SYT16: variants seen among roughly 807,000 people sequenced by gnomAD.
The protein encoded by SYT16 is synaptotagmin 16.
A neutral mutation model predicts 61.4 loss-of-function variants in SYT16; 42 were observed. That is an observed-to-expected ratio of 0.68 (90% CI 0.53 to 0.89). The LOEUF (loss-of-function observed/expected upper bound fraction) is 0.89, where lower values mean the gene tolerates loss of function less well. Ranked by LOEUF, SYT16 falls within the 40% of genes least tolerant of loss-of-function variation. SYT16 has a pLI of 0.00. For missense variants in SYT16, 804 were observed against 807.3 expected (o/e 1.00, Z 0.05); for synonymous variants, 314 against 302.3 (o/e 1.04, Z -0.40).
chr14:61,870,871 C>A (rs140163657), intron 1 of SYT16, among the ~76,000 whole-genome samples: 22 of 152,236 alleles, frequency 1.4e-4, no homozygotes, highest in African/African-American at 4.8e-4. Context: ...AACTACCTTG[C>A]CTAATAATTC....
At chr14:61,897,005 T>G (rs2048347524) in intron 1 of SYT16, among the ~76,000 whole-genome samples, 1 of 152,254 alleles carries the variant, frequency 6.6e-6, no homozygotes, top group African/African-American at 2.4e-5. Flanking sequence ...TGTTCCACTG[T>G]CTGCTTTGTA....
intron 3 of SYT16, among the ~76,000 whole-genome samples, chr14:62,014,668 A>G (rs1012318410): frequency 6.6e-6 from 1 of 152,082 alleles, no homozygotes; most frequent in African/African-American, 2.4e-5. Flanking sequence ...TCCTGACCTC[A>G]GGTGATCCAC....
intron 1 of SYT16, among the ~76,000 whole-genome samples, chr14:61,842,689 A>G (rs1046764854): frequency 6.8e-6 from 1 of 147,062 alleles, no homozygotes. Flanking sequence ...AAAACCAAAC[A>G]CCGCCTGTTC....
chr14:61,904,499 A>G (rs8019460), intron 1 of SYT16, among the ~76,000 whole-genome samples: 8,978 of 152,250 alleles, frequency 0.059, 597 homozygotes, highest in African/African-American at 0.15. Context: ...GTTTAGGCTA[A>G]ACTTTTACGA....
chr14:62,086,503 A>G (rs2056891235), intron 7 of SYT16, among the ~76,000 whole-genome samples: 1 of 152,084 alleles, frequency 6.6e-6, no homozygotes, highest in African/African-American at 2.4e-5. Flanking sequence ...ACAACAAACA[A>G]ACAAACAAAC....
intron 3 of SYT16, among the ~76,000 whole-genome samples, chr14:62,037,604 G>T (rs2054561613): frequency 6.6e-6 from 1 of 152,154 alleles, no homozygotes; most frequent in African/African-American, 2.4e-5. Flanking sequence ...CTCTCTGTTA[G>T]TTTGAATAAT....
At chr14:62,081,736 A>T (rs532380211) in intron 6 of SYT16, among the ~76,000 whole-genome samples, 8 of 152,270 alleles carry the variant, frequency 5.3e-5, no homozygotes, top group African/African-American at 1.9e-4. Context: ...GTCTTCCCTC[A>T]TACCCCATTT....
chr14:61,856,606 G>C (rs976831253), intron 1 of SYT16, among the ~76,000 whole-genome samples: 1 of 152,068 alleles, frequency 6.6e-6, no homozygotes, highest in African/African-American at 2.4e-5. Context: ...TGAGGGTTGG[G>C]GATGAGTGGA....
At chr14:61,933,943 G>T (rs930023632) in intron 1 of SYT16, among the ~76,000 whole-genome samples, 1 of 151,766 alleles carries the variant, frequency 6.6e-6, no homozygotes, top group South Asian at 2.1e-4. Context: ...ATATACACAC[G>T]TACACATGCA....
At chr14:62,100,072 C>A (rs77712870) in intron 7 of SYT16, among the ~76,000 whole-genome samples, 2 of 152,212 alleles carry the variant, frequency 1.3e-5, no homozygotes, top group African/African-American at 4.8e-5. Flanking sequence ...AGATGAAGAA[C>A]TGTGCCTGCC....
intron 1 of SYT16, among the ~76,000 whole-genome samples, chr14:61,834,312 A>T (rs538643867): frequency 3.2e-4 from 47 of 147,550 alleles, no homozygotes; most frequent in Non-Finnish European, 6.4e-4. Context: ...TTATATTTTT[A>T]GTAGAGACAG....
At chr14:62,004,094 A>G (rs981033650) in intron 3 of SYT16, among the ~76,000 whole-genome samples, 1 of 152,192 alleles carries the variant, frequency 6.6e-6, no homozygotes, top group Non-Finnish European at 1.5e-5. Flanking sequence ...ACACTGCTAT[A>G]AAGACATACC....
intron 1 of SYT16, among the ~76,000 whole-genome samples, chr14:61,953,756 A>C (rs1033803997): frequency 6.6e-6 from 1 of 152,174 alleles, no homozygotes; most frequent in African/African-American, 2.4e-5. Context: ...GCTTGGGTCA[A>C]CCTGAGTGGT....
At chr14:61,877,198 C>A (rs529007277) in intron 1 of SYT16, among the ~76,000 whole-genome samples, 2 of 152,000 alleles carry the variant, frequency 1.3e-5, no homozygotes, top group Non-Finnish European at 2.9e-5. Flanking sequence ...TGGGGACTGG[C>A]GGTGGTGGAG....
intron 3 of SYT16, among the ~76,000 whole-genome samples, chr14:62,039,107 A>G (rs1390455621): frequency 6.6e-6 from 1 of 152,200 alleles, no homozygotes; most frequent in Non-Finnish European, 1.5e-5. Context: ...TAAATCCTTT[A>G]TGCTTCACTC....
At chr14:62,053,917 T>C (rs1411982183) in intron 3 of SYT16, among the ~76,000 whole-genome samples, 2 of 152,218 alleles carry the variant, frequency 1.3e-5, no homozygotes, top group Non-Finnish European at 2.9e-5. Context: ...CATGAAACTT[T>C]AATGGATTTA....
chr14:61,848,663 G>A (rs890126435), intron 1 of SYT16, among the ~76,000 whole-genome samples: 1 of 152,130 alleles, frequency 6.6e-6, no homozygotes, highest in African/African-American at 2.4e-5. Flanking sequence ...TCTTCAGTGC[G>A]CTGAGTTTCC....
At chr14:61,955,636 C>T (rs986299640) in intron 1 of SYT16, among the ~76,000 whole-genome samples, 5 of 151,826 alleles carry the variant, frequency 3.3e-5, no homozygotes, top group African/African-American at 1.2e-4. Flanking sequence ...TTTTTTAAGG[C>T]TGAATAATAT....
At chr14:61,877,275 T>G (rs1159085955) in intron 1 of SYT16, among the ~76,000 whole-genome samples, 1 of 152,128 alleles carries the variant, frequency 6.6e-6, no homozygotes, top group Non-Finnish European at 1.5e-5. Context: ...GGCATTCTTG[T>G]CTGCACCTCA....
Sources: gnomAD v4.1 joint callset for allele counts (sites outside exome capture counted in the v4.1 genomes callset) on GRCh38, gnomAD v4.1.1 for gene constraint, MANE v1.5 for transcripts, NCBI Gene and HGNC (gene_info 2026-07-23, HGNC 2026-07-21) for gene names.